Variants in FBRSL1 observed in about 807,000 individuals in gnomAD.
FBRSL1 encodes fibrosin-1-like protein.
In FBRSL1, 51 loss-of-function variants were observed where a neutral mutation model predicts 89.6. The ratio of observed to expected loss-of-function variants is 0.57; its 90% CI spans 0.45 to 0.72. The LOEUF (loss-of-function observed/expected upper bound fraction) is 0.72, where lower values mean the gene tolerates loss of function less well. Ranked by LOEUF, FBRSL1 falls within the 30% of genes least tolerant of loss-of-function variation. FBRSL1 has a pLI of 0.00. For missense variants in FBRSL1, 1,618 were observed against 1,451.8 expected (o/e 1.11, Z -1.86); for synonymous variants, 779 against 681.1 (o/e 1.14, Z -2.24).
chr12:132,495,880 G>A (rs1178435396), intron 1 of FBRSL1, among the ~76,000 whole-genome samples: 4 of 152,356 alleles, frequency 2.6e-5, no homozygotes, highest in African/African-American at 9.6e-5. Flanking sequence ...GCCTGCTTTG[G>A]CTCTGGGAAG....
chr12:132,549,321 G>A (rs145991753), intron 5 of FBRSL1, among the ~76,000 whole-genome samples: 311 of 152,304 alleles, frequency 2.0e-3, no homozygotes, highest in Non-Finnish European at 3.5e-3. Flanking sequence ...TTGGGGACGC[G>A]TCCTGGTGGT....
At chr12:132,497,899 C>A (rs1190744523) in intron 1 of FBRSL1, among the ~76,000 whole-genome samples, 1 of 152,214 alleles carries the variant, frequency 6.6e-6, no homozygotes, top group African/African-American at 2.4e-5. Context: ...GTTTGTGCCA[C>A]GCATGTGCCT....
At chr12:132,510,514 C>T in intron 2 of FBRSL1, 1 of 1,231,842 alleles carries the variant, frequency 8.1e-7, no homozygotes, top group Non-Finnish European at 1.0e-6. Flanking sequence ...CTGGCAGGGC[C>T]CCAAGGGCCA....
At chr12:132,561,582 G>A (rs2039130273) in intron 5 of FBRSL1, among the ~76,000 whole-genome samples, 1 of 152,012 alleles carries the variant, frequency 6.6e-6, no homozygotes, top group African/African-American at 2.4e-5. Context: ...CCACCTGGGA[G>A]GCCTCAGCAC....
In FBRSL1 at chr12:132,583,748, C is replaced by T; in HGVS notation, c.2979C>T (p.Ser993=). The T allele has an allele frequency of 8.2e-7, 1 of 1,217,344 alleles. No individual in the cohort carries two copies. Among genetic ancestry groups the T allele is most frequent in the Non-Finnish European group, 1.0e-6 (1 of 978,590 alleles). 75.4% of individuals were successfully genotyped at this position (1,217,344 alleles called of 1,614,324 possible). The change falls in exon 19 of 19, where the codon TCC becomes TCT. Residue 993 remains serine (S), a synonymous_variant. Coordinates refer to ENST00000680143, the MANE Select transcript of FBRSL1 (RefSeq NM_001367871.1). ...GPGEARDYSP[S]RNPPEVEAR ...GCGAGGCGCGCGACTACTCCCCGTCCCGAAATCCCCCGGAGGTGGAGGCGC... is the reference window on the plus strand; with the variant it reads ...GCGAGGCGCGCGACTACTCCCCGTCTCGAAATCCCCCGGAGGTGGAGGCGC...
At position 132,508,348 on chromosome 12, in the gene FBRSL1, C is replaced by A; in HGVS notation, c.487C>A (p.Gln163Lys). The A allele has an allele frequency of 1.3e-6, 2 of 1,510,482 alleles. No individual in the cohort carries two copies. Among genetic ancestry groups the A allele is most frequent in the Non-Finnish European group, 1.8e-6 (2 of 1,128,574 alleles). 93.6% of individuals were successfully genotyped at this position (1,510,482 alleles called of 1,614,324 possible). A position where few individuals can be genotyped will look rare whatever the true frequency, so the allele number is the denominator to read the frequency against. The change falls in exon 2 of 19, where the codon CAG becomes AAG. Residue 163 changes from glutamine to lysine, a missense_variant and splice_region_variant. Physicochemically the swap from Gln to Lys is moderately conservative, Grantham distance 53. Coordinates refer to ENST00000680143, the MANE Select transcript of FBRSL1 (RefSeq NM_001367871.1). ...ARKVPLQPSKQMKVTVSKGGD... is the reference protein window; with the variant it reads ...ARKVPLQPSKKMKVTVSKGGD... ...AAAGGTCCCACTGCAGCCCTCCAAG[C>A]AGGTGAGCAGGTCCCTCCCCGACCG...
intron 5 of FBRSL1, among the ~76,000 whole-genome samples, chr12:132,557,481 T>G (rs546147735): frequency 5.3e-5 from 8 of 152,202 alleles, no homozygotes; most frequent in African/African-American, 1.9e-4. Flanking sequence ...GGCGCAGGGC[T>G]GTGGGGCGGG....
chr12:132,490,742 G>GCCCCCGCGCCCCGCGCCGCGCGT lies in FBRSL1; in HGVS notation c.186_187insGCCGCGCGTCCCCCGCGCCCCGC (p.Thr63AlafsTer48). 1 of 1,015,896 alleles carries GCCCCCGCGCCCCGCGCCGCGCGT rather than the reference G, an allele frequency of 9.8e-7. No homozygotes were observed. Among genetic ancestry groups the GCCCCCGCGCCCCGCGCCGCGCGT allele is most frequent in the Non-Finnish European group, 1.2e-6 (1 of 853,404 alleles). The allele number at this position is 1,015,896 out of a possible 1,614,324, so 62.9% of individuals were successfully genotyped here. ...CCGCGGCGCGCCCCCCCGAGGCGCC[G>GCCCCCGCGCCCCGCGCCGCGCGT]CCCCCGCGCCCCGCACCGCGCGTCC... On this transcript the variant is annotated frameshift_variant, in exon 1 of 19. Coordinates refer to ENST00000680143, the MANE Select transcript of FBRSL1 (RefSeq NM_001367871.1).
rs1335526124 is a variant in FBRSL1 at position 132,490,849 on chromosome 12, G to A, written c.279G>A (p.Leu93=). The A allele has an allele frequency of 7.1e-7, 1 of 1,412,220 alleles. No homozygotes were observed. The allele number at this position is 1,412,220 out of a possible 1,614,324, so 87.5% of individuals were successfully genotyped here. A position where few individuals can be genotyped will look rare whatever the true frequency, so the allele number is the denominator to read the frequency against. The change falls in exon 1 of 19, where the codon CTG becomes CTA. Residue 93 remains leucine (L), a synonymous_variant. Coordinates refer to ENST00000680143, the MANE Select transcript of FBRSL1 (RefSeq NM_001367871.1). ...TCGCCATCGCCAGCTTCAGCACCCT[G>A]GAGGCCCTGGAGGTAGGTGGACGGG... The part of the protein sequence containing the change: ...DGFAIASFST[L]EALEKDMALK...
At chr12:132,566,363 TAGAC>T (rs955563407) in intron 5 of FBRSL1, 3 of 142,834 alleles carry the variant, frequency 2.1e-5, no homozygotes, top group Non-Finnish European at 3.0e-5. Flanking sequence ...GAATTCTTGA[TAGAC>T]AGAAACGTTG....
chr12:132,528,932 C>T (rs1294387832), intron 4 of FBRSL1, among the ~76,000 whole-genome samples: 2 of 152,184 alleles, frequency 1.3e-5, no homozygotes, highest in African/African-American at 4.8e-5. Context: ...GGCTGGGCGC[C>T]GACCCCTGCC....
Position 132,499,136 on chromosome 12 carries a change from G to A in FBRSL1, c.291+8275G>A, listed in dbSNP as rs937986034. Among the ~76,000 whole-genome samples, 33 of 152,232 alleles carry A rather than the reference G, an allele frequency of 2.2e-4. No homozygotes were observed. The highest frequency in any genetic ancestry group is 2.6e-4 in the Admixed American group (4 of 15,284). On this transcript the variant is annotated intron_variant, in intron 1 of 18. Transcript: ENST00000680143. This position sits in a 1 kb window ranked among gnomAD's most constrained non-coding sequence, Gnocchi z 4.3. ...TGGGCCTCATCCGGCCTCGGCAGCC[G>A]CCCCGCCCATTCCAGATCTCTGCTC...
chr12:132,552,420 CAGA>C (rs2038250119), intron 5 of FBRSL1: 1 of 154,260 alleles, frequency 6.5e-6, no homozygotes, highest in Non-Finnish European at 1.4e-5. Context: ...GTGGGACAGA[CAGA>C]AGGATGGATG....
At position 132,583,665 on chromosome 12, in the gene FBRSL1, C is replaced by T. The variant is rs1313387715; in HGVS notation, c.2896C>T (p.Pro966Ser). The T allele has an allele frequency of 1.8e-6, 2 of 1,091,572 alleles. No homozygotes were observed. The highest frequency in any genetic ancestry group is 2.2e-6 in the Non-Finnish European group (2 of 897,276). 67.6% of individuals were successfully genotyped at this position (1,091,572 alleles called of 1,614,324 possible). ...CCCCCTGGTGACGGCGGCCGGGCCC[C>T]CCACGCCCCCCGGGCCGCCGCGGAG... Reference protein sequence around the residue: ...PPPLVTAAGPPTPPGPPRSRT... With the variant: ...PPPLVTAAGPSTPPGPPRSRT... The change falls in exon 19 of 19, where the codon CCC (proline) becomes TCC (serine). Residue 966 changes from proline (P) to serine (S), a missense_variant. By Grantham distance (74) the Pro-to-Ser change is moderately conservative. Transcript: ENST00000680143.
chr12:132,582,386 C>T (rs1235286487), intron 18 of FBRSL1, 120 bp downstream of exon 18: 19 of 723,006 alleles, frequency 2.6e-5, no homozygotes, highest in Non-Finnish European at 3.9e-5. Flanking sequence ...TCTCCCTCAC[C>T]GTTCCCCCTC....
intron 5 of FBRSL1, chr12:132,566,397 CT>C (rs1172174909): frequency 7.8e-6 from 1 of 128,720 alleles, no homozygotes; most frequent in East Asian, 2.6e-4. Flanking sequence ...CTCAATGAAG[CT>C]GTTTAATCAA....
In FBRSL1 at chr12:132,531,391, ATG is replaced by A. The variant is rs532865409; in HGVS notation, c.615+3412_615+3413del. Among the ~76,000 whole-genome samples the A allele has an allele frequency of 4.2e-3, 635 of 151,028 alleles. 2 individuals are homozygous for A. The highest frequency in any genetic ancestry group is 0.015 in the African/African-American group (616 of 41,072). ...CGTGTGTGTGCATGTGCATGTGTGT[ATG>A]TGTGTGTGCGTGCATGTGTGCATGT... On this transcript the variant is annotated intron_variant, in intron 4 of 18. Coordinates refer to ENST00000680143, the MANE Select transcript of FBRSL1 (RefSeq NM_001367871.1).
chr12:132,521,351 G>T (rs1385519006), intron 2 of FBRSL1, among the ~76,000 whole-genome samples: 3 of 152,216 alleles, frequency 2.0e-5, no homozygotes, highest in Non-Finnish European at 4.4e-5. Context: ...TTTCTGCAGG[G>T]GCGTCGCGTT....
Position 132,499,373 on chromosome 12 carries a change from G to A in FBRSL1, c.291+8512G>A, listed in dbSNP as rs1000791091. Among the ~76,000 whole-genome samples the A allele has an allele frequency of 6.6e-6, 1 of 152,164 alleles. No homozygotes were observed. The highest frequency in any genetic ancestry group is 2.4e-5 in the African/African-American group (1 of 41,452). ...GAGAGGCCAGGTGAGCCGCTGGCCA[G>A]CAGGGAAGGGTTCTGAGCTGTTCTG... On this transcript the variant is annotated intron_variant, in intron 1 of 18. Coordinates refer to ENST00000680143, the MANE Select transcript of FBRSL1 (RefSeq NM_001367871.1). The surrounding 1 kb of genome is among the most constrained non-coding windows in gnomAD (Gnocchi z 4.3).
Sources: gnomAD v4.1 joint callset for allele counts (sites outside exome capture counted in the v4.1 genomes callset) on GRCh38, gnomAD v4.1.1 for gene constraint, Gnocchi (gnomAD v3.1) non-coding constraint, MANE v1.5 for transcripts, NCBI Gene and HGNC (gene_info 2026-07-23, HGNC 2026-07-21) for gene names.